Variants in FRMPD4 observed in about 807,000 individuals in gnomAD.
FRMPD4 encodes the protein FERM and PDZ domain-containing protein 4.
A neutral mutation model predicts 94.1 loss-of-function variants in FRMPD4; 22 were observed. The ratio of observed to expected loss-of-function variants is 0.23; its 90% confidence interval spans 0.17 to 0.33. FRMPD4 has a LOEUF of 0.33. Among genes scored for constraint, FRMPD4 ranks in the 10% least tolerant of loss-of-function variants. The pLI, the probability that FRMPD4 is intolerant of heterozygous loss-of-function variation, is 1.00. For missense variants in FRMPD4, 1,111 were observed against 1,339.9 expected (o/e 0.83, Z 2.67); for synonymous variants, 631 against 548.6 (o/e 1.15, Z -2.10).
At chrX:12,097,732 T>C (rs2055218832) in intron 3 of FRMPD4, among the ~76,000 whole-genome samples, 1 of 112,800 alleles carries the variant, frequency 8.9e-6, no homozygotes, top group Non-Finnish European at 1.9e-5. Context: ...GGTTTATCCA[T>C]GCTGTAGCAT....
At chrX:12,039,459 G>A (rs758467752) in intron 3 of FRMPD4, among the ~76,000 whole-genome samples, 18 of 110,208 alleles carry the variant, frequency 1.6e-4, no homozygotes, top group Admixed American at 5.8e-4. Context: ...TCTTAATTCA[G>A]CTCAAATACT....
intron 2 of FRMPD4, among the ~76,000 whole-genome samples, chrX:12,527,492 T>G (rs910379626): frequency 1.3e-4 from 14 of 107,441 alleles, no homozygotes; most frequent in Admixed American, 7.0e-4. Flanking sequence ...TTACAGTTTT[T>G]TTTTTTTTTT....
chrX:12,433,878 A>G (rs1374008759), intron 1 of FRMPD4, among the ~76,000 whole-genome samples: 2 of 112,106 alleles, frequency 1.8e-5, no homozygotes, highest in African/African-American at 6.5e-5. Context: ...GCGAAATCTC[A>G]GCTGGGTTTT....
chrX:12,265,924 C>T (rs1295014989), intron 1 of FRMPD4, among the ~76,000 whole-genome samples: 2 of 107,660 alleles, frequency 1.9e-5, no homozygotes, highest in Middle Eastern at 9.4e-3. Flanking sequence ...GTCAGGAGAT[C>T]GAGACCATCC....
At chrX:12,364,103 G>A (rs1221053329) in intron 1 of FRMPD4, among the ~76,000 whole-genome samples, 3 of 110,940 alleles carry the variant, frequency 2.7e-5, no homozygotes, top group East Asian at 5.6e-4. Flanking sequence ...AGATAGATGA[G>A]GAATCAGATC....
rs780511138 is a variant in FRMPD4 at position 12,334,610 on chromosome X, GA to G, written c.42-164057del. Among the ~76,000 whole-genome samples the G allele has an allele frequency of 6.8e-3, 663 of 97,781 alleles. 5 individuals are homozygous for G. Among genetic ancestry groups the G allele is most frequent in the African/African-American group, 0.018 (493 of 27,346 alleles). 84.9% of individuals were successfully genotyped at this position (97,781 alleles called of 115,157 possible). ...TATTTGCAGAACCCTCTTCATTGGTGAAAAAAAAAAAAAGCCAACTTATGTA... is the reference window on the plus strand; with the variant it reads ...TATTTGCAGAACCCTCTTCATTGGTGAAAAAAAAAAAAGCCAACTTATGTA... On this transcript the variant is annotated intron_variant, in intron 1 of 16. Transcript: ENST00000675598.
intron 1 of FRMPD4, among the ~76,000 whole-genome samples, chrX:12,265,945 G>A (rs1451385885): frequency 1.9e-5 from 2 of 107,217 alleles, no homozygotes; most frequent in African/African-American, 6.8e-5. Context: ...TGGCTAACAC[G>A]GTGAAACACC....
At chrX:12,025,332 A>G (rs970338353) in intron 3 of FRMPD4, among the ~76,000 whole-genome samples, 2 of 109,344 alleles carry the variant, frequency 1.8e-5, no homozygotes, top group African/African-American at 6.7e-5. Context: ...AATCATGACA[A>G]TTGCCTACTT....
intron 1 of FRMPD4, among the ~76,000 whole-genome samples, chrX:12,193,867 AAGAG>A (rs71967675): frequency 1.1e-5 from 1 of 88,269 alleles, no homozygotes. Flanking sequence ...GGAAGGAAGG[AAGAG>A]AGAGAGAAAG....
chrX:12,681,643 A>G (rs1464147136), intron 5 of FRMPD4, among the ~76,000 whole-genome samples: 2 of 109,632 alleles, frequency 1.8e-5, no homozygotes, highest in African/African-American at 6.7e-5. Context: ...GTGGAGGGGA[A>G]CTTTAGAAAT....
chrX:12,609,071 A>G (rs1602202717), intron 2 of FRMPD4, among the ~76,000 whole-genome samples: 1 of 112,593 alleles, frequency 8.9e-6, no homozygotes, highest in East Asian at 2.8e-4. Flanking sequence ...TATTCTTACA[A>G]TAAAGTTAGA....
intron 1 of FRMPD4, among the ~76,000 whole-genome samples, chrX:12,253,917 GT>G (rs1294859260): frequency 1.1e-3 from 115 of 107,500 alleles, no homozygotes; most frequent in African/African-American, 3.3e-3. Flanking sequence ...TGTTTGTTGG[GT>G]TTTTTTTTTC....
chrX:12,609,710 T>G lies in FRMPD4; in HGVS notation c.159-11T>G, dbSNP rs1438723513. 1 of 1,200,368 alleles carries G rather than the reference T, an allele frequency of 8.3e-7. No homozygotes were observed. The highest frequency in any genetic ancestry group is 1.1e-6 in the Non-Finnish European group (1 of 884,960). ...GATGCCTTGTTTCTCTTGTATGTGC[T>G]TTCTCCACAGTCACATGACACAGGC... On this transcript the variant is annotated splice_polypyrimidine_tract_variant and intron_variant, in intron 2 of 16. Coordinates refer to ENST00000675598, the MANE Select transcript of FRMPD4 (RefSeq NM_001368397.1).
intron 1 of FRMPD4, among the ~76,000 whole-genome samples, chrX:12,336,322 T>C (rs2055521553): frequency 8.9e-6 from 1 of 111,982 alleles, no homozygotes; most frequent in African/African-American, 3.2e-5. Flanking sequence ...TAGCTACTTG[T>C]GGAGACCTAA....
chrX:12,366,167 G>T (rs1421992514), intron 1 of FRMPD4, among the ~76,000 whole-genome samples: 1 of 112,212 alleles, frequency 8.9e-6, no homozygotes, highest in Non-Finnish European at 1.9e-5. Flanking sequence ...GTACACAAAA[G>T]GGTTTGCCAG....
At chrX:11,972,812 C>T (rs2054347561) in intron 3 of FRMPD4, among the ~76,000 whole-genome samples, 1 of 112,254 alleles carries the variant, frequency 8.9e-6, no homozygotes, top group African/African-American at 3.2e-5. Flanking sequence ...ATATTCCATA[C>T]CCAGAAAAAT....
intron 1 of FRMPD4, among the ~76,000 whole-genome samples, chrX:12,372,227 A>C (rs2056172771): frequency 8.9e-6 from 1 of 112,751 alleles, no homozygotes; most frequent in South Asian, 3.7e-4. Context: ...AGCCACGGGC[A>C]GCTTCCCAGT....
At chrX:12,599,593 T>G (rs2059065751) in intron 2 of FRMPD4, among the ~76,000 whole-genome samples, 1 of 111,952 alleles carries the variant, frequency 8.9e-6, no homozygotes, top group African/African-American at 3.2e-5. Context: ...CCACCAGCAC[T>G]CTAACTTCAT....
chrX:12,231,048 A>ATATATATATATATATATATAT (rs1387528584), intron 1 of FRMPD4, among the ~76,000 whole-genome samples: 1 of 31,846 alleles, frequency 3.1e-5, no homozygotes, highest in African/African-American at 1.0e-4. Context: ...ATATATATAT[A>ATATATATATATATATATATAT]AAATATATAT....
Sources: gnomAD v4.1 joint callset for allele counts (sites outside exome capture counted in the v4.1 genomes callset) on GRCh38, gnomAD v4.1.1 for gene constraint, MANE v1.5 for transcripts, NCBI Gene and HGNC (gene_info 2026-07-23, HGNC 2026-07-21) for gene names.